The following CACNA2D3 variants were observed in gnomAD, a reference collection of about 807,000 sequenced individuals.
CACNA2D3 encodes the protein voltage-dependent calcium channel subunit alpha-2/delta-3.
A neutral mutation model predicts 160.6 loss-of-function variants in CACNA2D3; 60 were observed. The ratio of observed to expected loss-of-function variants is 0.37; its 90% CI spans 0.30 to 0.46. The LOEUF (loss-of-function observed/expected upper bound fraction) is 0.46, where lower values mean the gene tolerates loss of function less well. CACNA2D3 is among the 20% of genes least tolerant of loss of function. The probability of loss-of-function intolerance (pLI) is 1.00; values close to 1 mark genes in which losing one functional copy is unlikely to be tolerated. For synonymous variants in CACNA2D3, 558 were observed against 492.9 expected (o/e 1.13, Z -1.75); for missense variants, 1,205 against 1,365.0 (o/e 0.88, Z 1.85).
At chr3:54,295,010 A>G (rs969566535) in intron 2 of CACNA2D3, among the ~76,000 whole-genome samples, 1 of 151,180 alleles carries the variant, frequency 6.6e-6, no homozygotes, top group Admixed American at 6.6e-5. Flanking sequence ...CCACCTATTC[A>G]CTCAGCAAGT....
chr3:55,042,741 A>G (rs114287161), intron 35 of CACNA2D3, among the ~76,000 whole-genome samples: 103 of 152,258 alleles, frequency 6.8e-4, no homozygotes, highest in African/African-American at 2.3e-3. Flanking sequence ...TAGCAATTCT[A>G]TCATCTGAGA....
intron 11 of CACNA2D3, among the ~76,000 whole-genome samples, chr3:54,709,485 C>T (rs549668702): frequency 1.1e-4 from 17 of 152,152 alleles, no homozygotes; most frequent in African/African-American, 3.6e-4. Flanking sequence ...CTCAGCCTCC[C>T]GAGTAGTTGG....
At position 54,389,327 on chromosome 3, in the gene CACNA2D3, G is replaced by T. The variant is rs578071882; in HGVS notation, c.381+2553G>T. Among the ~76,000 whole-genome samples, 8 of 151,892 alleles carry T rather than the reference G, an allele frequency of 5.3e-5. No homozygotes were observed. The East Asian group carries it at 1.5e-3, about 29-fold the overall frequency. On this transcript the variant is annotated intron_variant, in intron 4 of 37. Transcript: ENST00000474759. ...AAAAAAAAGACAAATGAGGGGGAATGTCTTAGAAGGCAACTAATGCATATA... is the reference window on the plus strand; with the variant it reads ...AAAAAAAAGACAAATGAGGGGGAATTTCTTAGAAGGCAACTAATGCATATA...
chr3:54,173,322 C>T (rs192640215), intron 2 of CACNA2D3, among the ~76,000 whole-genome samples: 9 of 152,304 alleles, frequency 5.9e-5, no homozygotes, highest in Non-Finnish European at 8.8e-5. Context: ...TCCTAAAGTG[C>T]ACATTATTAC....
intron 16 of CACNA2D3, among the ~76,000 whole-genome samples, chr3:54,840,576 A>C (rs1315880735): frequency 7.1e-6 from 1 of 141,340 alleles, no homozygotes; most frequent in Non-Finnish European, 1.5e-5. Flanking sequence ...ATGCCTGGCT[A>C]ATTTTTGTCC....
At chr3:54,327,590 T>C (rs1303468184) in intron 3 of CACNA2D3, among the ~76,000 whole-genome samples, 1 of 152,264 alleles carries the variant, frequency 6.6e-6, no homozygotes, top group Admixed American at 6.5e-5. Context: ...CTATGTCTAC[T>C]GTAGAAGCAC....
intron 12 of CACNA2D3, 143 bp from the exon 13 acceptor site, chr3:54,764,075 A>G (rs1303154054): frequency 2.4e-6 from 2 of 846,504 alleles, no homozygotes; most frequent in African/African-American, 1.7e-5. Context: ...AACGTTGAAA[A>G]GAAAAATGGG....
At chr3:54,680,941 G>A (rs969695726) in intron 11 of CACNA2D3, among the ~76,000 whole-genome samples, 5 of 152,148 alleles carry the variant, frequency 3.3e-5, no homozygotes, top group African/African-American at 4.8e-5. Context: ...GCTGACAACC[G>A]AGGGGAGAGG....
At chr3:54,593,459 A>G (rs1462366837) in intron 9 of CACNA2D3, among the ~76,000 whole-genome samples, 1 of 152,024 alleles carries the variant, frequency 6.6e-6, no homozygotes, top group African/African-American at 2.4e-5. Context: ...GAATAAAGGA[A>G]CAGAGGGAGG....
intron 4 of CACNA2D3, among the ~76,000 whole-genome samples, chr3:54,417,797 G>T (rs9846781): frequency 0.013 from 832 of 61,666 alleles, 4 homozygotes; most frequent in African/African-American, 0.02. Context: ...TGTGTGTGTG[G>T]GGGGGGGGGT....
intron 3 of CACNA2D3, among the ~76,000 whole-genome samples, chr3:54,323,557 C>T (rs1391290670): frequency 1.3e-5 from 2 of 151,784 alleles, no homozygotes; most frequent in East Asian, 3.9e-4. Flanking sequence ...AGCTCCGCCT[C>T]CCGGGTTCAC....
intron 2 of CACNA2D3, among the ~76,000 whole-genome samples, chr3:54,292,135 G>T (rs1703222769): frequency 6.6e-6 from 1 of 151,908 alleles, no homozygotes. Context: ...AATGAAGTTG[G>T]ACCCCTACCT....
chr3:54,400,165 C>T (rs917660935), intron 4 of CACNA2D3, among the ~76,000 whole-genome samples: 22 of 146,392 alleles, frequency 1.5e-4, no homozygotes, highest in African/African-American at 2.8e-4. Context: ...GGCTCGCGCA[C>T]GGTGCGCACA....
intron 5 of CACNA2D3, among the ~76,000 whole-genome samples, chr3:54,531,361 C>G (rs944529055): frequency 6.6e-6 from 1 of 152,180 alleles, no homozygotes; most frequent in Non-Finnish European, 1.5e-5. Flanking sequence ...GGAAGTATGA[C>G]GGAAGGATAT....
At chr3:54,646,188 T>C (rs60609595) in intron 11 of CACNA2D3, among the ~76,000 whole-genome samples, 1,454 of 6,970 alleles carry the variant, frequency 0.21, 182 homozygotes, top group Non-Finnish European at 0.22. Flanking sequence ...CCCTCCCTCC[T>C]TCCTTGCTTC....
intron 5 of CACNA2D3, among the ~76,000 whole-genome samples, chr3:54,535,904 C>A (rs1402782240): frequency 1.3e-5 from 2 of 152,164 alleles, no homozygotes; most frequent in Non-Finnish European, 2.9e-5. Flanking sequence ...TCATTCTTGT[C>A]TGGAAAACAG....
intron 3 of CACNA2D3, among the ~76,000 whole-genome samples, chr3:54,348,760 G>T (rs549370008): frequency 2.0e-5 from 3 of 152,030 alleles, no homozygotes; most frequent in Non-Finnish European, 4.4e-5. Flanking sequence ...ACGGAGTCTC[G>T]CTCTGTCACC....
intron 2 of CACNA2D3, among the ~76,000 whole-genome samples, chr3:54,289,086 A>G (rs559048295): frequency 1.8e-3 from 275 of 152,152 alleles, no homozygotes; most frequent in African/African-American, 6.0e-3. Context: ...GAAATAAAGG[A>G]TATTCAATTA....
intron 4 of CACNA2D3, among the ~76,000 whole-genome samples, chr3:54,445,240 C>T (rs1293860007): frequency 2.6e-5 from 4 of 152,216 alleles, no homozygotes; most frequent in Non-Finnish European, 5.9e-5. Context: ...GCTAGGTCCA[C>T]TGTTGCCACA....
Sources: gnomAD v4.1 joint callset for allele counts (sites outside exome capture counted in the v4.1 genomes callset) on GRCh38, gnomAD v4.1.1 for gene constraint, MANE v1.5 for transcripts, NCBI Gene and HGNC (gene_info 2026-07-23, HGNC 2026-07-21) for gene names.